The following EWSR1 variants were observed in gnomAD, a reference collection of about 807,000 sequenced individuals.
EWSR1 encodes EWS RNA binding protein 1.
A neutral mutation model predicts 92.1 loss-of-function variants in EWSR1; 14 were observed. The observed-to-expected ratio is 0.15, with a 90% CI of 0.10 to 0.24. EWSR1 has a LOEUF of 0.24. Among genes scored for constraint, EWSR1 ranks in the 10% least tolerant of loss-of-function variants. The pLI is 1.00. For missense variants in EWSR1, 637 were observed against 870.9 expected (o/e 0.73, Z 3.38); for synonymous variants, 303 against 292.9 (o/e 1.03, Z -0.35).
At chr22:29,294,423 G>A (rs1035942808) in intron 11 of EWSR1, among the ~76,000 whole-genome samples, 16 of 150,906 alleles carry the variant, frequency 1.1e-4, no homozygotes, top group African/African-American at 3.4e-4. Context: ...TGGCTAACAC[G>A]ATGAAACCCC....
chr22:29,300,174 C>G lies in EWSR1; in HGVS notation c.*13C>G. 4 of 1,605,494 alleles carry G rather than the reference C, an allele frequency of 2.5e-6. No homozygotes were observed. Among genetic ancestry groups the G allele is most frequent in the Non-Finnish European group, 3.4e-6 (4 of 1,177,242 alleles). On this transcript the variant is annotated 3_prime_UTR_variant, in exon 17 of 17. Transcript: ENST00000397938. ...TCGGCCCTACTAGATGCAGAGACCC[C>G]GCAGAGCTGCATTGACTACCAGATT...
At chr22:29,281,705 T>TGA (rs1404937936) in intron 5 of EWSR1, among the ~76,000 whole-genome samples, 1 of 152,028 alleles carries the variant, frequency 6.6e-6, no homozygotes, top group Non-Finnish European at 1.5e-5. Flanking sequence ...CTCAGCTTCC[T>TGA]GAGTAGCTGG....
Position 29,287,037 on chromosome 22 carries a change from T to C in EWSR1, c.696T>C (p.Tyr232=). Residue 232 remains tyrosine, a synonymous_variant, in exon 7 of 17, where the codon TAT becomes TAC. Transcript: ENST00000397938. ...GTAGCTATGGTCAACAAAGCAGCTA[T>C]GGGCAGCAGCCTCCCACTAGTTACC... The part of the protein sequence containing the change: ...QQSSYGQQSS[Y]GQQPPTSYPP... The C allele has an allele frequency of 6.2e-7, 1 of 1,613,954 alleles. No individual in the cohort carries two copies. The highest frequency in any genetic ancestry group is 1.1e-5 in the South Asian group (1 of 91,070).
chr22:29,288,826 C>A (rs1372182214), intron 8 of EWSR1, 40 bp downstream of exon 8: 3 of 1,498,838 alleles, frequency 2.0e-6, no homozygotes, highest in African/African-American at 1.4e-5. Flanking sequence ...AATTTTGTTT[C>A]ATCCATAGGA....
intron 6 of EWSR1, among the ~76,000 whole-genome samples, chr22:29,285,119 C>CTTTTTT (rs1417699451): frequency 4.6e-5 from 5 of 108,146 alleles, no homozygotes; most frequent in African/African-American, 1.9e-4. Flanking sequence ...GCTTCTGGCC[C>CTTTTTT]TTGTTTTTTT....
At chr22:29,300,030 ATTGGGAGG>A in intron 16 of EWSR1, 84 bp from the exon 17 acceptor site, 1 of 429,388 alleles carries the variant, frequency 2.3e-6, no homozygotes. Flanking sequence ...ATTCTAACCG[ATTGGGAGG>A]AGCCAGGAAG....
At chr22:29,274,177 A>G (rs2058922168) in intron 4 of EWSR1, 2 of 1,392,846 alleles carry the variant, frequency 1.4e-6, no homozygotes, top group Non-Finnish European at 2.0e-6. Flanking sequence ...GTCTTCTTAA[A>G]TTGAGCTGCT....
chr22:29,299,257 C>T lies in EWSR1; in HGVS notation c.1604C>T (p.Ala535Val). The T allele has an allele frequency of 6.2e-7, 1 of 1,614,084 alleles. No individual in the cohort carries two copies. The highest frequency in any genetic ancestry group is 8.5e-7 in the Non-Finnish European group (1 of 1,179,968). The part of the protein sequence containing the change: ...PNPGCGNQNF[A>V]WRTECNQCKA... ...AGGGGTTGTGGAAACCAGAACTTCG[C>T]CTGGAGAACAGAGTGCAACCAGTGT... Residue 535 changes from alanine to valine, a missense_variant, in exon 15 of 17, where the codon GCC becomes GTC. By Grantham distance (64) the Ala-to-Val change is moderately conservative. Coordinates refer to ENST00000397938, the MANE Select transcript of EWSR1 (RefSeq NM_005243.4).
intron 8 of EWSR1, 71 bp from the exon 9 acceptor site, chr22:29,291,491 G>GCC: frequency 2.0e-6 from 3 of 1,475,456 alleles, no homozygotes; most frequent in Non-Finnish European, 1.9e-6. Context: ...TTCCCCACGA[G>GCC]CCCCCCCAAG....
chr22:29,274,968 T>C (rs1017571461), intron 4 of EWSR1, among the ~76,000 whole-genome samples: 1 of 152,222 alleles, frequency 6.6e-6, no homozygotes. Flanking sequence ...CTGTCTTTAG[T>C]TCTCCAAATT....
At chr22:29,274,539 G>A in intron 4 of EWSR1, 1 of 442,538 alleles carries the variant, frequency 2.3e-6, no homozygotes, top group South Asian at 3.9e-5. Flanking sequence ...CTTCCCAAAG[G>A]TATTTCAGGT....
intron 16 of EWSR1, 125 bp from the exon 17 acceptor site, chr22:29,299,995 TGG>T: frequency 8.6e-7 from 1 of 1,156,328 alleles, no homozygotes. Context: ...CTGGGGGCTC[TGG>T]AAGGGCTTCC....
Position 29,280,862 on chromosome 22 carries a change from GTTTTTTTTTTTTTTTTTTT to G in EWSR1, c.414-1509_414-1491del, listed in dbSNP as rs71196650. On this transcript the variant is annotated intron_variant, in intron 5 of 16. Coordinates refer to ENST00000397938, the MANE Select transcript of EWSR1 (RefSeq NM_005243.4). ...CTAATTTTGTGTGTGTGTGTGTGTT[GTTTTTTTTTTTTTTTTTTT>G]TTTTTTTTTTTTTTTTTTGACAGAG... Among the ~76,000 whole-genome samples the G allele has an allele frequency of 3.7e-4, 23 of 62,902 alleles. 1 individual carries two copies. The highest frequency in any genetic ancestry group is 2.2e-3 in the South Asian group (4 of 1,812). 41.3% of individuals were successfully genotyped at this position (62,902 alleles called of 152,430 possible). A position where few individuals can be genotyped will look rare whatever the true frequency, so the allele number is the denominator to read the frequency against.
intron 6 of EWSR1, among the ~76,000 whole-genome samples, chr22:29,284,768 A>G (rs1244654463): frequency 6.6e-6 from 1 of 151,172 alleles, no homozygotes; most frequent in African/African-American, 2.5e-5. Flanking sequence ...ACTGTTTCTC[A>G]TCATGATTTG....
Position 29,295,920 on chromosome 22 carries a change from C to T in EWSR1, c.1165-319C>T, listed in dbSNP as rs549739485. 833 of 301,752 alleles carry T rather than the reference C, an allele frequency of 2.8e-3. 3 individuals are homozygous for T. The highest frequency in any genetic ancestry group is 3.9e-3 in the Non-Finnish European group (621 of 158,792). 18.7% of individuals were successfully genotyped at this position (301,752 alleles called of 1,614,324 possible). A position where few individuals can be genotyped will look rare whatever the true frequency, so the allele number is the denominator to read the frequency against. On this transcript the variant is annotated intron_variant, in intron 11 of 16. Coordinates refer to ENST00000397938, the MANE Select transcript of EWSR1 (RefSeq NM_005243.4). ...TGGTATCAAAGTCTGACTACCCCTA[C>T]GAGGTGGCTGTGCTCAGTGGATACC...
chr22:29,273,940 C>T (rs904366409), intron 4 of EWSR1, 76 bp downstream of exon 4: 24 of 1,575,722 alleles, frequency 1.5e-5, no homozygotes, highest in Middle Eastern at 1.7e-4. Flanking sequence ...GTCATGCTTT[C>T]GGATGTATAT....
intron 1 of EWSR1, chr22:29,269,451 T>G (rs1292951530): frequency 6.6e-6 from 1 of 152,208 alleles, no homozygotes; most frequent in Non-Finnish European, 1.5e-5. Context: ...CAGTTCGCAA[T>G]CTGTGGGTAC....
At chr22:29,288,056 G>A (rs1261292897) in intron 7 of EWSR1, among the ~76,000 whole-genome samples, 1 of 152,134 alleles carries the variant, frequency 6.6e-6, no homozygotes, top group Non-Finnish European at 1.5e-5. Flanking sequence ...AAAGGAAAGG[G>A]GGAAAAATAA....
chr22:29,270,934 G>C (rs777794277), intron 1 of EWSR1, among the ~76,000 whole-genome samples: 4 of 152,136 alleles, frequency 2.6e-5, no homozygotes, highest in Non-Finnish European at 4.4e-5. Context: ...TGTTCCTCTT[G>C]GTGATTCAGG....
Sources: gnomAD v4.1 joint callset for allele counts (sites outside exome capture counted in the v4.1 genomes callset) on GRCh38, gnomAD v4.1.1 for gene constraint, MANE v1.5 for transcripts, NCBI Gene and HGNC (gene_info 2026-07-23, HGNC 2026-07-21) for gene names.